Variants in CROT observed in about 807,000 individuals in gnomAD.
The protein encoded by CROT is peroxisomal carnitine O-octanoyltransferase.
In CROT, 84 loss-of-function variants were observed where a neutral mutation model predicts 89.2. That is an observed-to-expected ratio of 0.94 (90% confidence interval 0.79 to 1.13). The LOEUF (loss-of-function observed/expected upper bound fraction) is 1.13. CROT is among the 50% of genes most tolerant of loss of function. The probability of loss-of-function intolerance (pLI) is 0.00; values close to 1 mark genes in which losing one functional copy is unlikely to be tolerated. For missense variants in CROT, 711 were observed against 727.8 expected (o/e 0.98, Z 0.27); for synonymous variants, 212 against 239.5 (o/e 0.89, Z 1.06).
chr7:87,375,564 C>T (rs1806782593), intron 7 of CROT, 68 bp from the exon 8 acceptor site: 1 of 1,169,962 alleles, frequency 8.5e-7, no homozygotes, highest in Non-Finnish European at 1.3e-6. Context: ...ATGTTATGAC[C>T]TTTTAAAGGC....
At chr7:87,389,317 T>C (rs929031110) in intron 13 of CROT, among the ~76,000 whole-genome samples, 2 of 152,172 alleles carry the variant, frequency 1.3e-5, no homozygotes, top group East Asian at 1.9e-4. Context: ...TAAAGATACA[T>C]GCACACATAT....
rs1311810332 is a variant in CROT, at chr7:87,361,909, C to G, written c.547+57C>G. ...AAGGCACTGGAATTTGGGTAGCCTA[C>G]TATGACGTGATGGAACATACACTTT... is the stretch of plus-strand genomic sequence containing the variant. On this transcript the variant is annotated intron_variant, in intron 6 of 17. Transcript: ENST00000331536. 2.0e-6 allele frequency: 3 copies of G among 1,469,278 alleles called. No homozygotes were observed. The African/African-American group carries it at 4.3e-5, about 21-fold the overall frequency. The allele number at this position is 1,469,278 out of a possible 1,614,324, so 91.0% of individuals were successfully genotyped here.
Position 87,382,360 on chromosome 7 carries a change from G to A in CROT, c.1171-53G>A. 2 of 1,580,012 alleles carry A rather than the reference G, an allele frequency of 1.3e-6. 1 individual carries two copies. Among genetic ancestry groups the A allele is most frequent in the South Asian group, 2.3e-5 (2 of 85,334 alleles). Reference sequence around the variant, plus strand: ...GCAGGTGATAATTTGCTTCTCTTTGGTGTATTCTCCTTAGGTGATTTTTCA... The same window carrying A: ...GCAGGTGATAATTTGCTTCTCTTTGATGTATTCTCCTTAGGTGATTTTTCA... On this transcript the variant is annotated intron_variant, in intron 12 of 17. Coordinates refer to ENST00000331536, the MANE Select transcript of CROT (RefSeq NM_021151.4).
At position 87,357,655 on chromosome 7, in the gene CROT, G is replaced by A. The variant is rs7800947; in HGVS notation, c.116-1551G>A. The A allele has an allele frequency of 9.0e-3, 6,397 of 707,300 alleles. 55 individuals are homozygous for A. Among genetic ancestry groups the A allele is most frequent in the South Asian group, 0.016 (992 of 63,692 alleles). 43.8% of individuals were successfully genotyped at this position (707,300 alleles called of 1,614,324 possible). A position where few individuals can be genotyped will look rare whatever the true frequency, so the allele number is the denominator to read the frequency against. ...AAGCTACTCCATTGCGGAGTAGAGC[G>A]TCCTCAGAGGGCAAGCAAAGGAAGG... On this transcript the variant is annotated intron_variant, in intron 3 of 17. Transcript: ENST00000331536.
chr7:87,356,721 T>A (rs571979386), intron 3 of CROT, among the ~76,000 whole-genome samples: 1 of 152,240 alleles, frequency 6.6e-6, no homozygotes, highest in African/African-American at 2.4e-5. Context: ...TCCTGCAATG[T>A]TTAAGATATA....
intron 7 of CROT, among the ~76,000 whole-genome samples, chr7:87,371,342 T>C (rs1431959914): frequency 2.0e-5 from 3 of 152,230 alleles, no homozygotes; most frequent in African/African-American, 7.2e-5. Flanking sequence ...AATGTAATCT[T>C]TCCATATTGG....
chr7:87,393,297 C>A (rs535823324), intron 17 of CROT, among the ~76,000 whole-genome samples: 1 of 152,172 alleles, frequency 6.6e-6, no homozygotes, highest in South Asian at 2.1e-4. Flanking sequence ...AACACTGTTT[C>A]AAGTCGATTC....
At chr7:87,361,257 C>T in intron 4 of CROT, 133 bp from the exon 5 acceptor site, 1 of 921,240 alleles carries the variant, frequency 1.1e-6, no homozygotes, top group Non-Finnish European at 1.6e-6. Context: ...GTCACCTCAC[C>T]CAGCCAAAAA....
chr7:87,388,949 A>G (rs539314074), intron 13 of CROT, among the ~76,000 whole-genome samples: 1 of 152,342 alleles, frequency 6.6e-6, no homozygotes, highest in South Asian at 2.1e-4. Flanking sequence ...AACCCCATCA[A>G]AAAGTGGGCA....
In CROT at chr7:87,399,726, C is replaced by T. The variant is rs372979931; in HGVS notation, c.*1082C>T. On this transcript the variant is annotated 3_prime_UTR_variant, in exon 18 of 18. Transcript: ENST00000331536. ...GCTGTTCAATTTTGTAGTTTTTACT[C>T]TCAAAAAATGAAATTCTCAAAATTA... 1.3e-5 allele frequency: 2 copies of T among 152,226 alleles called. No individual in the cohort carries two copies. 9.4% of individuals were successfully genotyped at this position (152,226 alleles called of 1,614,324 possible).
At chr7:87,391,493 T>C in intron 13 of CROT, 96 bp from the exon 14 acceptor site, 2 of 1,218,606 alleles carry the variant, frequency 1.6e-6, no homozygotes, top group Non-Finnish European at 2.3e-6. Context: ...AAGGGCTTAG[T>C]CTCTGAACAA....
rs1302947586 is a variant in CROT at position 87,382,138 on chromosome 7, T to C, written c.1127T>C (p.Val376Ala). ...EELIFIVDEK[V>A]LNDINQAKAQ... is the part of the protein sequence containing the mutation. ...CTCATTTTCATTGTGGATGAGAAAG[T>C]TTTAAATGACATCAACCAAGCTAAA... Residue 376 changes from valine to alanine, a missense_variant, in exon 12 of 18, where the codon GTT becomes GCT. Physicochemically the swap from Val to Ala is moderately conservative, Grantham distance 64. Transcript: ENST00000331536. 1 of 1,613,554 alleles carries C rather than the reference T, an allele frequency of 6.2e-7. No homozygotes were observed. The highest frequency in any genetic ancestry group is 1.1e-5 in the South Asian group (1 of 91,038).
At chr7:87,347,145 G>A (rs58807320) in intron 2 of CROT, among the ~76,000 whole-genome samples, 7,707 of 152,232 alleles carry the variant, frequency 0.051, 469 homozygotes, top group African/African-American at 0.14. Flanking sequence ...TTGCTCTTAT[G>A]GACTCAAGTG....
chr7:87,376,632 GA>G (rs749883659), intron 9 of CROT, among the ~76,000 whole-genome samples: 72 of 149,718 alleles, frequency 4.8e-4, no homozygotes, highest in Non-Finnish European at 8.1e-4. Flanking sequence ...CAAGGAGAGA[GA>G]TTTTTTTTTT....
intron 6 of CROT, among the ~76,000 whole-genome samples, chr7:87,369,041 C>T (rs1371603424): frequency 6.6e-6 from 1 of 152,154 alleles, no homozygotes; most frequent in Non-Finnish European, 1.5e-5. Flanking sequence ...AATGGCTGTC[C>T]TCCAAGATTC....
chr7:87,373,868 AG>A (rs1806721740), intron 7 of CROT, among the ~76,000 whole-genome samples: 2 of 152,106 alleles, frequency 1.3e-5, no homozygotes, highest in South Asian at 4.1e-4. Context: ...TGACGTATGG[AG>A]ACGACAATGG....
chr7:87,350,405 G>A (rs1002448719), intron 3 of CROT, among the ~76,000 whole-genome samples: 9 of 152,084 alleles, frequency 5.9e-5, no homozygotes, highest in Non-Finnish European at 1.2e-4. Flanking sequence ...ATTGAAAGCC[G>A]CACCAGTATG....
At chr7:87,397,026 A>C (rs1033790696) in intron 17 of CROT, among the ~76,000 whole-genome samples, 3 of 151,996 alleles carry the variant, frequency 2.0e-5, no homozygotes, top group Admixed American at 1.3e-4. Flanking sequence ...ATCCTTTCTC[A>C]TTTCATCACA....
chr7:87,366,241 A>G (rs1242136868), intron 6 of CROT, among the ~76,000 whole-genome samples: 1 of 149,324 alleles, frequency 6.7e-6, no homozygotes, highest in African/African-American at 2.6e-5. Flanking sequence ...CGCAAGGGGG[A>G]ATTTTTTTTT....
Sources: allele counts gnomAD v4.1 joint callset (sites outside exome capture counted in the v4.1 genomes callset), GRCh38; gene constraint gnomAD v4.1.1; transcripts MANE v1.5; gene names NCBI Gene and HGNC (gene_info 2026-07-23, HGNC 2026-07-21).